Variants in DSCAM observed in about 807,000 individuals in gnomAD.
The protein encoded by DSCAM is DS cell adhesion molecule, also known as cell adhesion molecule DSCAM.
In DSCAM, 47 loss-of-function variants were observed where a neutral mutation model predicts 217.7. That is an observed-to-expected ratio of 0.22 (90% CI 0.17 to 0.28). DSCAM has a LOEUF of 0.28. DSCAM is among the 10% of genes least tolerant of loss of function. The pLI is 1.00. For synonymous variants in DSCAM, 1,056 were observed against 1,015.3 expected, an observed-to-expected ratio of 1.04 and a Z score of -0.76; for missense variants, 2,080 against 2,618.3, an observed-to-expected ratio of 0.79 and a Z score of 4.49.
chr21:40,201,551 C>G (rs1158549386), intron 11 of DSCAM, among the ~76,000 whole-genome samples: 1 of 152,126 alleles, frequency 6.6e-6, no homozygotes, highest in Non-Finnish European at 1.5e-5. Context: ...AAGCAATTCT[C>G]CTGCCTCAGC....
chr21:40,580,299 G>A (rs1350426427), intron 3 of DSCAM, among the ~76,000 whole-genome samples: 1 of 152,012 alleles, frequency 6.6e-6, no homozygotes, highest in East Asian at 1.9e-4. Flanking sequence ...TTGGGAGGCC[G>A]AGGTGGGTGG....
chr21:40,816,807 T>G (rs2091885160), intron 1 of DSCAM, among the ~76,000 whole-genome samples: 1 of 152,182 alleles, frequency 6.6e-6, no homozygotes, highest in African/African-American at 2.4e-5. Flanking sequence ...CCCATATTTA[T>G]TTTTTAGAGA....
intron 13 of DSCAM, 129 bp from the exon 14 acceptor site, chr21:40,187,388 G>A: frequency 8.0e-7 from 1 of 1,248,834 alleles, no homozygotes; most frequent in South Asian, 1.6e-5. Flanking sequence ...TTTTTATTTG[G>A]AAGCATTTTC....
At chr21:40,027,195 A>C (rs1179299266) in intron 32 of DSCAM, among the ~76,000 whole-genome samples, 10 of 152,404 alleles carry the variant, frequency 6.6e-5, no homozygotes, top group Non-Finnish European at 1.3e-4. Context: ...AAGAATGTTG[A>C]ATATTGGCCC....
intron 3 of DSCAM, among the ~76,000 whole-genome samples, chr21:40,419,639 A>T (rs2123815240): frequency 6.6e-6 from 1 of 152,284 alleles, no homozygotes; most frequent in East Asian, 1.9e-4. Context: ...TCTGGGAAAA[A>T]TTACTCAGAT....
chr21:40,053,149 T>G (rs566281880), intron 29 of DSCAM, among the ~76,000 whole-genome samples: 1 of 152,190 alleles, frequency 6.6e-6, no homozygotes, highest in South Asian at 2.1e-4. Flanking sequence ...CTGAACAGAA[T>G]GAACCTTACA....
At chr21:40,473,712 AG>A (rs2075908988) in intron 3 of DSCAM, among the ~76,000 whole-genome samples, 1 of 152,138 alleles carries the variant, frequency 6.6e-6, no homozygotes, top group South Asian at 2.1e-4. Context: ...GGGCCTACAA[AG>A]GGGTGATTAA....
At chr21:40,316,200 G>T (rs2074194993) in intron 8 of DSCAM, among the ~76,000 whole-genome samples, 1 of 152,142 alleles carries the variant, frequency 6.6e-6, no homozygotes, top group African/African-American at 2.4e-5. Flanking sequence ...CGTTTTCCCA[G>T]AAGAATGTCA....
At chr21:40,233,518 A>G (rs1319015567) in intron 11 of DSCAM, among the ~76,000 whole-genome samples, 2 of 152,176 alleles carry the variant, frequency 1.3e-5, no homozygotes, top group Admixed American at 1.3e-4. Flanking sequence ...ACAACACGTA[A>G]TATTGCACAA....
At chr21:40,122,911 C>A (rs1358070846) in intron 20 of DSCAM, among the ~76,000 whole-genome samples, 3 of 152,202 alleles carry the variant, frequency 2.0e-5, no homozygotes, top group African/African-American at 7.2e-5. Flanking sequence ...GCAAACATAT[C>A]ACCTTGATTA....
At chr21:40,795,026 G>A (rs2091679150) in intron 1 of DSCAM, among the ~76,000 whole-genome samples, 1 of 150,956 alleles carries the variant, frequency 6.6e-6, no homozygotes, top group Non-Finnish European at 1.5e-5. Flanking sequence ...CATGCACTGT[G>A]TCATGGATCA....
At chr21:40,813,933 CT>C (rs2091859840) in intron 1 of DSCAM, among the ~76,000 whole-genome samples, 1 of 152,120 alleles carries the variant, frequency 6.6e-6, no homozygotes, top group Admixed American at 6.5e-5. Context: ...GTATGAGCCC[CT>C]GAGCACAGCC....
At chr21:40,133,061 G>C (rs1281317477) in intron 19 of DSCAM, among the ~76,000 whole-genome samples, 15 of 152,118 alleles carry the variant, frequency 9.9e-5, no homozygotes, top group Admixed American at 9.8e-4. Flanking sequence ...GAATATTTTG[G>C]GAAGGTTCTA....
At chr21:40,844,632 A>G (rs943542875) in intron 1 of DSCAM, among the ~76,000 whole-genome samples, 3 of 151,504 alleles carry the variant, frequency 2.0e-5, no homozygotes, top group African/African-American at 7.4e-5. Flanking sequence ...ATATTGCAGA[A>G]TATTTGAGGT....
At chr21:40,165,960 G>A (rs1336211073) in intron 16 of DSCAM, among the ~76,000 whole-genome samples, 4 of 152,018 alleles carry the variant, frequency 2.6e-5, no homozygotes, top group African/African-American at 4.8e-5. Flanking sequence ...CACACTCCTC[G>A]GCCTGCACTT....
At chr21:40,526,996 G>A (rs1463472004) in intron 3 of DSCAM, among the ~76,000 whole-genome samples, 4 of 152,056 alleles carry the variant, frequency 2.6e-5, no homozygotes, top group Non-Finnish European at 5.9e-5. Context: ...GCACTGCCTG[G>A]TGTGGCTTAA....
At chr21:40,355,193 C>T (rs191744458) in intron 4 of DSCAM, among the ~76,000 whole-genome samples, 5 of 152,224 alleles carry the variant, frequency 3.3e-5, no homozygotes, top group African/African-American at 9.6e-5. Flanking sequence ...GTGAAGTCCA[C>T]GTGCTATGGG....
chr21:40,191,908 T>A (rs1175358711), intron 11 of DSCAM, among the ~76,000 whole-genome samples: 1 of 152,216 alleles, frequency 6.6e-6, no homozygotes, highest in Non-Finnish European at 1.5e-5. Context: ...TACCAGTCAC[T>A]GGATTTAGGA....
chr21:40,354,246 A>G (rs368199133), intron 4 of DSCAM, among the ~76,000 whole-genome samples: 1 of 152,244 alleles, frequency 6.6e-6, no homozygotes, highest in African/African-American at 2.4e-5. Context: ...AGCCAAACAT[A>G]TAATGTGATG....
Sources: gnomAD v4.1 joint callset for allele counts (sites outside exome capture counted in the v4.1 genomes callset) on GRCh38, gnomAD v4.1.1 for gene constraint, MANE v1.5 for transcripts, NCBI Gene and HGNC (gene_info 2026-07-23, HGNC 2026-07-21) for gene names.